FAM83F: variants seen among roughly 807,000 people sequenced by gnomAD.
FAM83F encodes protein FAM83F.
Under a neutral mutation model 42.9 loss-of-function variants are expected in FAM83F, and 45 were observed. The observed-to-expected ratio is 1.05, with a 90% confidence interval of 0.83 to 1.35. FAM83F has a LOEUF of 1.35. Among genes scored for constraint, FAM83F ranks in the 40% most tolerant of loss-of-function variants. The probability of loss-of-function intolerance (pLI) is 0.00; values close to 1 mark genes in which losing one functional copy is unlikely to be tolerated. For synonymous variants in FAM83F, 306 were observed against 298.3 expected, an observed-to-expected ratio of 1.03 and a Z score of -0.27; for missense variants, 617 against 695.9, an observed-to-expected ratio of 0.89 and a Z score of 1.28.
At chr22:40,011,365 G>A (rs1017954304) in intron 1 of FAM83F, among the ~76,000 whole-genome samples, 8 of 151,758 alleles carry the variant, frequency 5.3e-5, no homozygotes, top group African/African-American at 1.9e-4. Flanking sequence ...TTGTATTTTT[G>A]GTAGAGACGG....
rs2067641802 is a variant in FAM83F, at chr22:40,039,409, T to C, written c.*9844T>C. 1 of 152,180 alleles carries C rather than the reference T, an allele frequency of 6.6e-6. No homozygotes were observed. 9.4% of individuals were successfully genotyped at this position (152,180 alleles called of 1,614,324 possible). A position where few individuals can be genotyped will look rare whatever the true frequency, so the allele number is the denominator to read the frequency against. ...CAGGCATGAACCACTACGCCTGGCC[T>C]GGTATGTGGGTTAAAATGTTAGGTT... On this transcript the variant is annotated 3_prime_UTR_variant, in exon 5 of 5. Transcript: ENST00000333407.
chr22:40,014,864 G>A (rs2067485387), intron 1 of FAM83F, among the ~76,000 whole-genome samples: 1 of 152,174 alleles, frequency 6.6e-6, no homozygotes, highest in Admixed American at 6.5e-5. Flanking sequence ...TATAACCTTG[G>A]ACATAGGACT....
Position 39,995,269 on chromosome 22 carries a change from A to G in FAM83F, c.227A>G (p.Asp76Gly). ...ALRAAWSPYE[D>G]AVPAANARGK... ...CGGGCCGCCTGGAGCCCCTACGAGG[A>G]CGCCGTCCCCGCCGCCAACGCCCGG... The change falls in exon 1 of 5, where the codon GAC (aspartate) becomes GGC (glycine). Residue 76 changes from aspartate (D) to glycine (G), a missense_variant. Physicochemically the swap from Asp to Gly is moderately conservative, Grantham distance 94. Coordinates refer to ENST00000333407, the MANE Select transcript of FAM83F (RefSeq NM_138435.4). The surrounding 1 kb of genome is among the most constrained non-coding windows in gnomAD (Gnocchi z 4.6). 6.5e-7 allele frequency: 1 copy of G among 1,535,448 alleles called. No individual in the cohort carries two copies. Among genetic ancestry groups the G allele is most frequent in the South Asian group, 1.2e-5 (1 of 83,900 alleles).
rs373914076 is a variant in FAM83F, at chr22:40,027,903, C to T, written c.1454-1613C>T. 2.3e-5 allele frequency among the ~76,000 whole-genome samples: 3 copies of T among 130,740 alleles called. No homozygotes were observed. In the South Asian group the frequency reaches 8.2e-4, roughly 36 times the overall value. 85.8% of individuals were successfully genotyped at this position (130,740 alleles called of 152,430 possible). On this transcript the variant is annotated intron_variant, in intron 4 of 4. Transcript: ENST00000333407. ...CAGCTACACCGCCTCCCCTGTTTAA[C>T]GATCTGGAGGTTGATTTGCTTACCT...
At chr22:40,016,714 A>C (rs1462920792) in intron 1 of FAM83F, among the ~76,000 whole-genome samples, 1 of 151,886 alleles carries the variant, frequency 6.6e-6, no homozygotes, top group Non-Finnish European at 1.5e-5. Flanking sequence ...CCCAGGCTGG[A>C]GTGCAGTGGC....
rs957071744 is a variant in FAM83F at position 40,035,350 on chromosome 22, A to G, written c.*5785A>G. 3.9e-5 allele frequency: 6 copies of G among 152,242 alleles called. No individual in the cohort carries two copies. The highest frequency in any genetic ancestry group is 1.2e-4 in the African/African-American group (5 of 41,452). The allele number at this position is 152,242 out of a possible 1,614,324, so 9.4% of individuals were successfully genotyped here. On this transcript the variant is annotated 3_prime_UTR_variant, in exon 5 of 5. Transcript: ENST00000333407. ...CCGCGGTGCCCACAGTGCTGTGGGT[A>G]CAAGCAAGGGGAAAAGAGCCCATGG... is the stretch of plus-strand genomic sequence containing the variant.
chr22:40,033,801 G>A lies in FAM83F; in HGVS notation c.*4236G>A, dbSNP rs1359260213. Reference sequence around the variant, plus strand: ...CTTGGACACAGCACCCTGGCCCAGAGAGGTTGGCTGACTTGCCTGAGACGC... The same window carrying A: ...CTTGGACACAGCACCCTGGCCCAGAAAGGTTGGCTGACTTGCCTGAGACGC... On this transcript the variant is annotated 3_prime_UTR_variant, in exon 5 of 5. Transcript: ENST00000333407. 1 of 152,274 alleles carries A rather than the reference G, an allele frequency of 6.6e-6. No homozygotes were observed. Among genetic ancestry groups the A allele is most frequent in the East Asian group, 1.9e-4 (1 of 5,198 alleles). 9.4% of individuals were successfully genotyped at this position (152,274 alleles called of 1,614,324 possible).
rs766963555 is a variant in FAM83F, at chr22:40,021,849, G to T, written c.1339G>T (p.Ala447Ser). 1 of 1,612,408 alleles carries T rather than the reference G, an allele frequency of 6.2e-7. No individual in the cohort carries two copies. Among genetic ancestry groups the T allele is most frequent in the East Asian group, 2.2e-5 (1 of 44,864 alleles). ...CAGCAGCAGGCTCTTCAGTCGCCGA[G>T]CCAAGAGGCCTGCGGCGCCCAATGG... Reference protein sequence around the residue: ...RFSSRLFSRRAKRPAAPNGMA... With the variant: ...RFSSRLFSRRSKRPAAPNGMA... Residue 447 changes from alanine (A) to serine (S), a missense_variant, in exon 4 of 5, where the codon GCC becomes TCC. Ala to Ser is a moderately conservative substitution (Grantham distance 99). Coordinates refer to ENST00000333407, the MANE Select transcript of FAM83F (RefSeq NM_138435.4). This position sits in a 1 kb window ranked among gnomAD's most constrained non-coding sequence, Gnocchi z 8.7.
At chr22:40,027,551 T>C (rs781680758) in intron 4 of FAM83F, among the ~76,000 whole-genome samples, 1 of 152,232 alleles carries the variant, frequency 6.6e-6, no homozygotes, top group African/African-American at 2.4e-5. Flanking sequence ...TGGTCATTTA[T>C]ACACCTTCCC....
At chr22:40,002,504 T>C (rs2067407637) in intron 1 of FAM83F, among the ~76,000 whole-genome samples, 1 of 152,164 alleles carries the variant, frequency 6.6e-6, no homozygotes, top group Admixed American at 6.5e-5. Flanking sequence ...CTCTTGAAGG[T>C]TCACGGTAGC....
chr22:39,998,297 C>T (rs1335676892), intron 1 of FAM83F, among the ~76,000 whole-genome samples: 1 of 152,198 alleles, frequency 6.6e-6, no homozygotes, highest in Non-Finnish European at 1.5e-5. Flanking sequence ...ATGCACACAT[C>T]CAACTGTGTG....
chr22:40,007,007 G>C (rs1473491227), intron 1 of FAM83F, among the ~76,000 whole-genome samples: 1 of 152,086 alleles, frequency 6.6e-6, no homozygotes, highest in Non-Finnish European at 1.5e-5. Context: ...GAACCATGAA[G>C]TAGCCTCATT....
At position 40,021,198 on chromosome 22, in the gene FAM83F, C is replaced by G; in HGVS notation, c.780-92C>G. On this transcript the variant is annotated intron_variant, in intron 3 of 4. Coordinates refer to ENST00000333407, the MANE Select transcript of FAM83F (RefSeq NM_138435.4). This position sits in a 1 kb window ranked among gnomAD's most constrained non-coding sequence, Gnocchi z 8.7. ...GGAGCCGTACACCTGCAGCAAGGGTCTGGCCACAGCGGAGGGGCAGGTGGG... is the reference window on the plus strand; with the variant it reads ...GGAGCCGTACACCTGCAGCAAGGGTGTGGCCACAGCGGAGGGGCAGGTGGG... 7.1e-7 allele frequency: 1 copy of G among 1,402,674 alleles called. No individual in the cohort carries two copies. Among genetic ancestry groups the G allele is most frequent in the Non-Finnish European group, 9.5e-7 (1 of 1,055,308 alleles). 86.9% of individuals were successfully genotyped at this position (1,402,674 alleles called of 1,614,324 possible). A position where few individuals can be genotyped will look rare whatever the true frequency, so the allele number is the denominator to read the frequency against.
chr22:40,024,706 T>C (rs1481670482), intron 4 of FAM83F, among the ~76,000 whole-genome samples: 2 of 152,228 alleles, frequency 1.3e-5, no homozygotes, highest in African/African-American at 4.8e-5. Flanking sequence ...CTGTTCTTTC[T>C]GTCTCTGCTG....
At chr22:40,020,051 T>G (rs774896081) in intron 3 of FAM83F, 43 bp downstream of exon 3, 7 of 1,578,080 alleles carry the variant, frequency 4.4e-6, no homozygotes, top group Non-Finnish European at 6.0e-6. Flanking sequence ...AGGCCTTGAT[T>G]CCAGGTAGGT....
Position 40,019,825 on chromosome 22 carries a change from C to T in FAM83F, c.658-62C>T, listed in dbSNP as rs1359028821. 9 of 1,544,290 alleles carry T rather than the reference C, an allele frequency of 5.8e-6. 1 individual carries two copies. In the Middle Eastern group the frequency reaches 1.4e-3, roughly 246 times the overall value. On this transcript the variant is annotated intron_variant, in intron 2 of 4. Coordinates refer to ENST00000333407, the MANE Select transcript of FAM83F (RefSeq NM_138435.4). ...CAAGGGGGCTCTTCCTCTGCAGAAG[C>T]AAGGACCTGGCACGGAGGCTGGCCC...
chr22:40,025,661 T>C (rs2145722687), intron 4 of FAM83F, among the ~76,000 whole-genome samples: 1 of 152,204 alleles, frequency 6.6e-6, no homozygotes, highest in Non-Finnish European at 1.5e-5. Flanking sequence ...TGCAGTGAGC[T>C]GAGATCACAC....
In FAM83F at chr22:39,995,166, G is replaced by A. The variant is rs538891826; in HGVS notation, c.124G>A (p.Gly42Ser). 2.8e-4 allele frequency: 394 copies of A among 1,402,852 alleles called. 1 individual carries two copies. In the African/African-American group the frequency reaches 5.6e-3, roughly 20 times the overall value. 86.9% of individuals were successfully genotyped at this position (1,402,852 alleles called of 1,614,324 possible). A position where few individuals can be genotyped will look rare whatever the true frequency, so the allele number is the denominator to read the frequency against. Residue 42 changes from glycine to serine, a missense_variant, in exon 1 of 5, where the codon GGC becomes AGC. Physicochemically the swap from Gly to Ser is moderately conservative, Grantham distance 56. Transcript: ENST00000333407. This position sits in a 1 kb window ranked among gnomAD's most constrained non-coding sequence, Gnocchi z 4.6. ...CGCGCTGGAGGCGCTGCTGGGCGGCGGCGAGCAGGCCTACCGCGAGCGGCT... is the reference window on the plus strand; with the variant it reads ...CGCGCTGGAGGCGCTGCTGGGCGGCAGCGAGCAGGCCTACCGCGAGCGGCT... ...RAALEALLGG[G>S]EQAYRERLKE...
intron 4 of FAM83F, among the ~76,000 whole-genome samples, chr22:40,025,904 C>T (rs2067549492): frequency 1.3e-5 from 2 of 152,198 alleles, no homozygotes; most frequent in African/African-American, 4.8e-5. Flanking sequence ...TTGAGTGCTG[C>T]CAGCCTAGGG....
Sources: allele counts gnomAD v4.1 joint callset (sites outside exome capture counted in the v4.1 genomes callset), GRCh38; gene constraint gnomAD v4.1.1; non-coding constraint Gnocchi (gnomAD v3.1); transcripts MANE v1.5; gene names NCBI Gene and HGNC (gene_info 2026-07-23, HGNC 2026-07-21).